The following PRKCE variants were observed in gnomAD, a reference collection of about 807,000 sequenced individuals.
The protein encoded by PRKCE is protein kinase C epsilon type.
In PRKCE, 16 loss-of-function variants were observed where a neutral mutation model predicts 85.4. The ratio of observed to expected loss-of-function variants is 0.19; its 90% CI spans 0.13 to 0.28. The LOEUF is 0.28. Among genes scored for constraint, PRKCE ranks in the 10% least tolerant of loss-of-function variants. The pLI, the probability that PRKCE is intolerant of heterozygous loss-of-function variation, is 1.00. For synonymous variants in PRKCE, 388 were observed against 371.5 expected, an observed-to-expected ratio of 1.04 and a Z score of -0.51; for missense variants, 573 against 975.2, an observed-to-expected ratio of 0.59 and a Z score of 5.49.
At chr2:46,130,107 G>T (rs1674275204) in intron 11 of PRKCE, among the ~76,000 whole-genome samples, 1 of 152,130 alleles carries the variant, frequency 6.6e-6, no homozygotes, top group East Asian at 1.9e-4. Flanking sequence ...GTATTCTTAA[G>T]GTTTCAGGTA....
intron 12 of PRKCE, 135 bp from the exon 13 acceptor site, chr2:46,150,906 G>C (rs1676558127): frequency 1.4e-6 from 1 of 711,256 alleles, no homozygotes. Flanking sequence ...TGCTGATTTA[G>C]AACTTCTAGG....
intron 6 of PRKCE, among the ~76,000 whole-genome samples, chr2:45,986,446 G>A (rs1347971042): frequency 6.6e-6 from 1 of 152,184 alleles, no homozygotes; most frequent in Non-Finnish European, 1.5e-5. Flanking sequence ...GCCTTGGGGA[G>A]AATGATGGAC....
rs1045412012 is a variant in PRKCE at position 46,001,396 on chromosome 2, C to T, written c.824-8C>T. The T allele has an allele frequency of 4.4e-6, 7 of 1,598,348 alleles. No homozygotes were observed. In the Admixed American group the frequency reaches 8.3e-5, roughly 19 times the overall value. ...ACTTATCTGTCTTTTCTCCATGTCTCCTTACAGTCTGCAAAATGAATGTTC... is the reference window on the plus strand; with the variant it reads ...ACTTATCTGTCTTTTCTCCATGTCTTCTTACAGTCTGCAAAATGAATGTTC... On this transcript the variant is annotated splice_polypyrimidine_tract_variant and splice_region_variant and intron_variant, in intron 6 of 14. Transcript: ENST00000306156. This position sits in a 1 kb window ranked among gnomAD's most constrained non-coding sequence, Gnocchi z 4.4.
chr2:46,148,899 C>G (rs551626880), intron 12 of PRKCE, among the ~76,000 whole-genome samples: 5 of 152,278 alleles, frequency 3.3e-5, no homozygotes, highest in East Asian at 3.9e-4. Flanking sequence ...TCACTGGCTC[C>G]TCAGGACAGT....
At chr2:45,677,932 T>C (rs1676602666) in intron 1 of PRKCE, 2 of 973,450 alleles carry the variant, frequency 2.1e-6, no homozygotes, top group East Asian at 1.1e-4. Context: ...AGCATATCAG[T>C]AGCTTTCCCT....
chr2:45,673,891 T>G (rs1012216286), intron 1 of PRKCE, among the ~76,000 whole-genome samples: 1 of 152,186 alleles, frequency 6.6e-6, no homozygotes, highest in African/African-American at 2.4e-5. Context: ...TGGAATTACA[T>G]TGGCTGAGGA....
chr2:45,666,932 A>C (rs540595683), intron 1 of PRKCE, among the ~76,000 whole-genome samples: 24 of 152,252 alleles, frequency 1.6e-4, no homozygotes, highest in Middle Eastern at 3.4e-3. Flanking sequence ...CCTTGAACTC[A>C]TGGGGTCAAG....
Position 45,933,067 on chromosome 2 carries a change from C to G in PRKCE, c.413-43362C>G, listed in dbSNP as rs184569033. On this transcript the variant is annotated intron_variant, in intron 2 of 14. Transcript: ENST00000306156. ...ATTTTAATTTGCATTTCCCTGATGT[C>G]TTTGCATTGCTCTTGAGTGCCTTTT... Among the ~76,000 whole-genome samples, 11 of 152,308 alleles carry G rather than the reference C, an allele frequency of 7.2e-5. No homozygotes were observed. In the South Asian group the frequency reaches 1.2e-3, roughly 17 times the overall value.
intron 2 of PRKCE, among the ~76,000 whole-genome samples, chr2:45,859,896 G>T (rs1198018968): frequency 1.3e-5 from 2 of 152,160 alleles, no homozygotes; most frequent in Non-Finnish European, 2.9e-5. Flanking sequence ...TGATGTGCAT[G>T]AAAGCTCATT....
intron 2 of PRKCE, among the ~76,000 whole-genome samples, chr2:45,878,671 T>G (rs1415303017): frequency 6.6e-6 from 1 of 152,236 alleles, no homozygotes; most frequent in East Asian, 1.9e-4. Flanking sequence ...GTGGTATAGT[T>G]GACTCAAATA....
intron 1 of PRKCE, among the ~76,000 whole-genome samples, chr2:45,831,243 A>G (rs1690398774): frequency 6.6e-6 from 1 of 152,254 alleles, no homozygotes; most frequent in African/African-American, 2.4e-5. Flanking sequence ...GGTGTATGTA[A>G]CACCATTTAC....
intron 1 of PRKCE, among the ~76,000 whole-genome samples, chr2:45,735,831 CT>C (rs1245836481): frequency 6.6e-6 from 1 of 152,174 alleles, no homozygotes; most frequent in Non-Finnish European, 1.5e-5. Flanking sequence ...AAGGCCAAGG[CT>C]TTCATTCTTG....
In PRKCE at chr2:46,004,212, C is replaced by T. The variant is rs114454927; in HGVS notation, c.967-330C>T. ...ACCTTTATGGTGTCCTCGCACAACC[C>T]GAACTACTTCATCCTTTTGGATGGG... On this transcript the variant is annotated intron_variant, in intron 7 of 14. Coordinates refer to ENST00000306156, the MANE Select transcript of PRKCE (RefSeq NM_005400.3). This position sits in a 1 kb window ranked among gnomAD's most constrained non-coding sequence, Gnocchi z 4.1. 5,046 of 338,022 alleles carry T rather than the reference C, an allele frequency of 0.015. 82 individuals are homozygous for T. The highest frequency in any genetic ancestry group is 0.018 in the Non-Finnish European group (3,178 of 172,758). The allele number at this position is 338,022 out of a possible 1,614,324, so 20.9% of individuals were successfully genotyped here.
chr2:45,669,649 C>G (rs1676065294), intron 1 of PRKCE, among the ~76,000 whole-genome samples: 1 of 152,224 alleles, frequency 6.6e-6, no homozygotes, highest in African/African-American at 2.4e-5. Flanking sequence ...CCTTGTCCTA[C>G]TCTGTTCGTA....
At chr2:45,871,219 T>G (rs1294778448) in intron 2 of PRKCE, among the ~76,000 whole-genome samples, 1 of 152,244 alleles carries the variant, frequency 6.6e-6, no homozygotes, top group African/African-American at 2.4e-5. Flanking sequence ...AGTCCCACCC[T>G]GTCAAGGGGA....
rs1028473257 is a variant in PRKCE, at chr2:45,905,894, C to G, written c.412+62831C>G. Among the ~76,000 whole-genome samples, 5 of 152,190 alleles carry G rather than the reference C, an allele frequency of 3.3e-5. No homozygotes were observed. The highest frequency in any genetic ancestry group is 7.4e-5 in the Non-Finnish European group (5 of 68,022). On this transcript the variant is annotated intron_variant, in intron 2 of 14. Transcript: ENST00000306156. This position sits in a 1 kb window ranked among gnomAD's most constrained non-coding sequence, Gnocchi z 4.4. Reference sequence around the variant, plus strand: ...GAAGGTCTTTACTCCAAGAGGTTCCCTGGGAGGAAGGATGTGCTTGTGCGG... The same window carrying G: ...GAAGGTCTTTACTCCAAGAGGTTCCGTGGGAGGAAGGATGTGCTTGTGCGG...
intron 11 of PRKCE, among the ~76,000 whole-genome samples, chr2:46,117,674 C>T (rs1271999178): frequency 6.6e-6 from 1 of 152,164 alleles, no homozygotes; most frequent in African/African-American, 2.4e-5. Context: ...CACTTAAAAG[C>T]TGGGATAGTA....
chr2:45,925,724 C>T (rs1003293763), intron 2 of PRKCE, among the ~76,000 whole-genome samples: 3 of 152,204 alleles, frequency 2.0e-5, no homozygotes, highest in Non-Finnish European at 2.9e-5. Flanking sequence ...ACAAGCTGGC[C>T]AAGGATCACC....
Position 45,895,335 on chromosome 2 carries a change from G to A in PRKCE, c.412+52272G>A, listed in dbSNP as rs1051814296. Among the ~76,000 whole-genome samples the A allele has an allele frequency of 7.2e-5, 11 of 152,110 alleles. No individual in the cohort carries two copies. Among genetic ancestry groups the A allele is most frequent in the African/African-American group, 2.2e-4 (9 of 41,414 alleles). On this transcript the variant is annotated intron_variant, in intron 2 of 14. Coordinates refer to ENST00000306156, the MANE Select transcript of PRKCE (RefSeq NM_005400.3). This position sits in a 1 kb window ranked among gnomAD's most constrained non-coding sequence, Gnocchi z 4.8. ...CCACAGTGACTTATATGGACTTAAG[G>A]GAGTTTCAGTCGGGGAAGAAAGTGG... is the stretch of plus-strand genomic sequence containing the variant.
Sources: allele counts gnomAD v4.1 joint callset (sites outside exome capture counted in the v4.1 genomes callset), GRCh38; gene constraint gnomAD v4.1.1; non-coding constraint Gnocchi (gnomAD v3.1); transcripts MANE v1.5; gene names NCBI Gene and HGNC (gene_info 2026-07-23, HGNC 2026-07-21).